The following RBMS3 variants were observed in gnomAD, a reference collection of about 807,000 sequenced individuals.
The protein encoded by RBMS3 is RNA binding motif single stranded interacting protein 3.
In RBMS3, 27 loss-of-function variants were observed where a neutral mutation model predicts 66.8. That is an observed-to-expected ratio of 0.40 (90% CI 0.30 to 0.56). The LOEUF is 0.56. Ranked by LOEUF, RBMS3 falls within the 20% of genes least tolerant of loss-of-function variation. The pLI is 0.40. For missense variants in RBMS3, 513 were observed against 549.5 expected, an observed-to-expected ratio of 0.93 and a Z score of 0.66; for synonymous variants, 188 against 183.0, an observed-to-expected ratio of 1.03 and a Z score of -0.22.
At chr3:29,356,621 A>C (rs749647151) in intron 1 of RBMS3, among the ~76,000 whole-genome samples, 14 of 152,206 alleles carry the variant, frequency 9.2e-5, no homozygotes, top group Non-Finnish European at 1.6e-4. Flanking sequence ...GTAATTGTTA[A>C]GTCAGTCAAT....
chr3:29,939,781 G>T (rs921482795), intron 11 of RBMS3, among the ~76,000 whole-genome samples: 1 of 151,664 alleles, frequency 6.6e-6, no homozygotes, highest in African/African-American at 2.4e-5. Flanking sequence ...TTAAACCCTG[G>T]CTTCCACGTT....
At chr3:29,530,705 C>CAAAAAAA (rs35876128) in intron 3 of RBMS3, among the ~76,000 whole-genome samples, 1 of 123,726 alleles carries the variant, frequency 8.1e-6, no homozygotes, top group African/African-American at 3.1e-5. Flanking sequence ...ACTAAAAATA[C>CAAAAAAA]AAAAAAAAAA....
intron 6 of RBMS3, among the ~76,000 whole-genome samples, chr3:29,840,731 T>G (rs2058642342): frequency 6.6e-6 from 1 of 152,068 alleles, no homozygotes; most frequent in Non-Finnish European, 1.5e-5. Context: ...TTTTAATGAA[T>G]GTACCATATT....
intron 6 of RBMS3, among the ~76,000 whole-genome samples, chr3:29,770,991 T>G (rs1019438923): frequency 1.3e-5 from 2 of 152,032 alleles, no homozygotes; most frequent in African/African-American, 4.8e-5. Context: ...CTGCTATACA[T>G]ACACCTCATC....
intron 4 of RBMS3, among the ~76,000 whole-genome samples, chr3:29,722,204 A>G (rs1282485068): frequency 6.6e-6 from 1 of 152,066 alleles, no homozygotes; most frequent in Non-Finnish European, 1.5e-5. Flanking sequence ...CAGTTTTTTC[A>G]TGTTATTTTT....
chr3:29,877,619 G>C (rs1284501399), intron 7 of RBMS3, among the ~76,000 whole-genome samples: 1 of 152,120 alleles, frequency 6.6e-6, no homozygotes, highest in African/African-American at 2.4e-5. Flanking sequence ...CTTCAAGAGA[G>C]CAAATAACTG....
At chr3:29,687,260 A>G (rs939727408) in intron 4 of RBMS3, among the ~76,000 whole-genome samples, 1 of 152,218 alleles carries the variant, frequency 6.6e-6, no homozygotes, top group African/African-American at 2.4e-5. Context: ...AATTTCCCAG[A>G]ACAGCCAGGT....
chr3:29,768,810 T>C (rs1200906581), intron 6 of RBMS3, among the ~76,000 whole-genome samples: 1 of 151,894 alleles, frequency 6.6e-6, no homozygotes, highest in Non-Finnish European at 1.5e-5. Context: ...GGTCACAAGC[T>C]CAATGAGGTT....
intron 4 of RBMS3, among the ~76,000 whole-genome samples, chr3:29,680,012 G>A (rs963689127): frequency 6.6e-6 from 1 of 152,064 alleles, no homozygotes; most frequent in Non-Finnish European, 1.5e-5. Flanking sequence ...AAATACCTTT[G>A]TGTTGCCTCT....
intron 1 of RBMS3, among the ~76,000 whole-genome samples, chr3:29,378,303 T>A (rs1325440217): frequency 6.6e-6 from 1 of 152,096 alleles, no homozygotes; most frequent in Non-Finnish European, 1.5e-5. Context: ...AAACCCCGTT[T>A]CTACTAAAAA....
chr3:29,942,464 A>G (rs66982305), intron 11 of RBMS3, among the ~76,000 whole-genome samples: 93,835 of 151,668 alleles, frequency 0.62, 32,380 homozygotes, highest in Non-Finnish European at 0.8. Context: ...TTGAGGTTAC[A>G]GTGAGCTATG....
chr3:29,440,499 AAAGTC>A (rs1559363463), intron 2 of RBMS3, among the ~76,000 whole-genome samples: 1 of 152,336 alleles, frequency 6.6e-6, no homozygotes, highest in East Asian at 1.9e-4. Flanking sequence ...GAAGAGCAGG[AAAGTC>A]AACTGCCCTG....
chr3:29,334,656 C>A (rs1024292986), intron 1 of RBMS3, among the ~76,000 whole-genome samples: 9 of 152,084 alleles, frequency 5.9e-5, no homozygotes, highest in African/African-American at 1.9e-4. Flanking sequence ...TAAATAAATG[C>A]TCCTGCAGTT....
chr3:29,848,077 C>T (rs1465463455), intron 6 of RBMS3, among the ~76,000 whole-genome samples: 1 of 152,080 alleles, frequency 6.6e-6, no homozygotes, highest in Non-Finnish European at 1.5e-5. Flanking sequence ...TTCTAGGTAT[C>T]CCCCTAAGTC....
At chr3:29,623,620 C>A (rs916811392) in intron 4 of RBMS3, among the ~76,000 whole-genome samples, 52 of 150,786 alleles carry the variant, frequency 3.4e-4, no homozygotes, top group African/African-American at 1.3e-3. Flanking sequence ...GTATAAAAGT[C>A]ATTTCTCTTC....
intron 6 of RBMS3, among the ~76,000 whole-genome samples, chr3:29,782,528 C>A (rs892448174): frequency 1.3e-5 from 2 of 152,172 alleles, no homozygotes; most frequent in African/African-American, 4.8e-5. Context: ...AGAATCTGAA[C>A]AACAGCCATT....
intron 2 of RBMS3, among the ~76,000 whole-genome samples, chr3:29,471,801 A>T (rs1397113703): frequency 1.4e-5 from 2 of 147,132 alleles, no homozygotes; most frequent in Non-Finnish European, 3.0e-5. Context: ...AAAATCCAAT[A>T]TGTTATCTGA....
At chr3:29,614,885 G>A (rs2048610350) in intron 4 of RBMS3, 1 of 152,126 alleles carries the variant, frequency 6.6e-6, no homozygotes, top group African/African-American at 2.4e-5. Flanking sequence ...TTACGTAACT[G>A]TTTACTCTAT....
chr3:29,601,942 C>A (rs528213097), intron 4 of RBMS3, among the ~76,000 whole-genome samples: 1 of 152,004 alleles, frequency 6.6e-6, no homozygotes, highest in Admixed American at 6.6e-5. Context: ...TCCTTCCCCA[C>A]CTTGGGAACT....
Sources: allele counts gnomAD v4.1 joint callset (sites outside exome capture counted in the v4.1 genomes callset), GRCh38; gene constraint gnomAD v4.1.1; transcripts MANE v1.5; gene names NCBI Gene and HGNC (gene_info 2026-07-23, HGNC 2026-07-21).